SGCD: variants seen among roughly 807,000 people sequenced by gnomAD.
SGCD encodes the protein sarcoglycan delta.
In SGCD, 18 loss-of-function variants were observed where a neutral mutation model predicts 36.6. That is an observed-to-expected ratio of 0.49 (90% CI 0.34 to 0.73). The LOEUF (loss-of-function observed/expected upper bound fraction) is 0.73. Ranked by LOEUF, SGCD falls within the 30% of genes least tolerant of loss-of-function variation. The probability of loss-of-function intolerance (pLI) is 0.01; values close to 1 mark genes in which losing one functional copy is unlikely to be tolerated. For missense variants in SGCD, 387 were observed against 346.7 expected, an observed-to-expected ratio of 1.12 and a Z score of -0.92; for synonymous variants, 133 against 130.6, an observed-to-expected ratio of 1.02 and a Z score of -0.12.
chr5:155,928,165 T>C (rs1462885347), intron 1 of SGCD, among the ~76,000 whole-genome samples: 3 of 152,196 alleles, frequency 2.0e-5, no homozygotes, highest in Non-Finnish European at 4.4e-5. Context: ...TAGCTATTTT[T>C]TGATGCCCCA....
intron 1 of SGCD, among the ~76,000 whole-genome samples, chr5:156,004,312 C>T (rs370378696): frequency 2.0e-5 from 3 of 152,156 alleles, no homozygotes; most frequent in African/African-American, 7.2e-5. Flanking sequence ...CTTTCTAGAA[C>T]AGTACTACTG....
chr5:156,094,632 T>A (rs896157146), intron 1 of SGCD, among the ~76,000 whole-genome samples: 1 of 152,196 alleles, frequency 6.6e-6, no homozygotes, highest in African/African-American at 2.4e-5. Flanking sequence ...TTTCTCTTAG[T>A]CTTGGGCTCA....
chr5:156,328,930 T>C (rs1414906181), intron 1 of SGCD, among the ~76,000 whole-genome samples: 1 of 151,918 alleles, frequency 6.6e-6, no homozygotes, highest in Non-Finnish European at 1.5e-5. Context: ...CCACTGCCAA[T>C]GAAAAAGGGA....
chr5:155,748,703 G>A, the SGCD span, among the ~76,000 whole-genome samples: 4 of 152,148 alleles, frequency 2.6e-5, no homozygotes, highest in Non-Finnish European at 4.4e-5. Context: ...ACACCACAAA[G>A]AGACTGAAAG....
intron 7 of SGCD, among the ~76,000 whole-genome samples, chr5:156,652,662 A>G (rs1337989516): frequency 1.3e-5 from 2 of 152,030 alleles, no homozygotes; most frequent in Admixed American, 1.3e-4. Context: ...GCCTCATTCC[A>G]CTTCTTGAGG....
intron 1 of SGCD, among the ~76,000 whole-genome samples, chr5:155,887,261 C>T (rs1437032666): frequency 6.6e-6 from 1 of 152,196 alleles, no homozygotes; most frequent in African/African-American, 2.4e-5. Context: ...CATTTCTGAT[C>T]AGTCTTCTAT....
intron 1 of SGCD, among the ~76,000 whole-genome samples, chr5:156,109,370 T>A (rs1195302159): frequency 6.6e-6 from 1 of 152,126 alleles, no homozygotes; most frequent in Non-Finnish European, 1.5e-5. Flanking sequence ...GTAGAGATGG[T>A]GCAGTGGGTA....
intron 3 of SGCD, among the ~76,000 whole-genome samples, chr5:156,350,206 C>T (rs1769166977): frequency 8.1e-6 from 1 of 123,530 alleles, no homozygotes; most frequent in Admixed American, 8.5e-5. Context: ...TCCATGTAAC[C>T]AAAAACCACT....
intron 6 of SGCD, among the ~76,000 whole-genome samples, chr5:156,633,163 A>T (rs919802673): frequency 1.3e-5 from 2 of 152,188 alleles, no homozygotes; most frequent in African/African-American, 4.8e-5. Flanking sequence ...TTTGGAAGTT[A>T]AAAGTGTGAA....
intron 7 of SGCD, among the ~76,000 whole-genome samples, chr5:156,748,824 G>T (rs1268894494): frequency 1.1e-4 from 16 of 152,006 alleles, no homozygotes; most frequent in Admixed American, 5.9e-4. Context: ...ATGGAGTCTC[G>T]CTCTGTTGCC....
At chr5:155,823,266 A>C in the SGCD span, among the ~76,000 whole-genome samples, 1 of 150,214 alleles carries the variant, frequency 6.7e-6, no homozygotes, top group South Asian at 2.2e-4. Context: ...GTCCTACAGC[A>C]GGACAAGATG....
At chr5:156,711,014 T>C (rs1402748014) in intron 7 of SGCD, among the ~76,000 whole-genome samples, 1 of 152,198 alleles carries the variant, frequency 6.6e-6, no homozygotes, top group Non-Finnish European at 1.5e-5. Flanking sequence ...CAGGTTAGAA[T>C]TTGGTATCTT....
At chr5:155,743,669 T>G in the SGCD span, among the ~76,000 whole-genome samples, 1 of 152,250 alleles carries the variant, frequency 6.6e-6, no homozygotes, top group East Asian at 1.9e-4. Context: ...TGGGTTTCAA[T>G]GCACTGCTAG....
At chr5:156,161,360 T>C (rs1363580081) in intron 3 of SGCD, among the ~76,000 whole-genome samples, 1 of 151,750 alleles carries the variant, frequency 6.6e-6, no homozygotes, top group African/African-American at 2.4e-5. Flanking sequence ...GACAGGTTAG[T>C]TCCTCAAATT....
chr5:155,981,193 A>T (rs543483417), intron 1 of SGCD, among the ~76,000 whole-genome samples: 2 of 152,324 alleles, frequency 1.3e-5, no homozygotes, highest in South Asian at 4.1e-4. Context: ...GCTGTGTGGC[A>T]TTGACAATGT....
At chr5:156,724,563 C>T (rs1441224836) in intron 7 of SGCD, among the ~76,000 whole-genome samples, 1 of 151,664 alleles carries the variant, frequency 6.6e-6, no homozygotes, top group Non-Finnish European at 1.5e-5. Flanking sequence ...GCCAAGATCT[C>T]GCCTCTGCAC....
intron 3 of SGCD, among the ~76,000 whole-genome samples, chr5:156,410,004 G>A (rs913126001): frequency 8.6e-5 from 13 of 151,858 alleles, no homozygotes; most frequent in African/African-American, 2.4e-4. Context: ...ACAAGAATAC[G>A]GGCTTTGGCT....
chr5:156,554,486 T>C (rs1434074546), intron 4 of SGCD, among the ~76,000 whole-genome samples: 1 of 151,626 alleles, frequency 6.6e-6, no homozygotes, highest in Non-Finnish European at 1.5e-5. Flanking sequence ...AATTTAGCTT[T>C]ATTGTAGGTA....
chr5:155,874,149 G>A (rs1330818481), intron 1 of SGCD, among the ~76,000 whole-genome samples: 1 of 152,026 alleles, frequency 6.6e-6, no homozygotes, highest in South Asian at 2.1e-4. Context: ...AAGGGGATAG[G>A]AGAATTCCTC....
Sources: gnomAD v4.1 joint callset for allele counts (sites outside exome capture counted in the v4.1 genomes callset) on GRCh38, gnomAD v4.1.1 for gene constraint, MANE v1.5 for transcripts, NCBI Gene and HGNC (gene_info 2026-07-23, HGNC 2026-07-21) for gene names.